RBKS: variants seen among roughly 807,000 people sequenced by gnomAD.
RBKS encodes the protein ribokinase.
In RBKS, 33 loss-of-function variants were observed where a neutral mutation model predicts 33.9. That is an observed-to-expected ratio of 0.97 (90% CI 0.74 to 1.30). The LOEUF (loss-of-function observed/expected upper bound fraction) is 1.30. Ranked by LOEUF, RBKS falls within the 50% of genes most tolerant of loss-of-function variation. The pLI, the probability that RBKS is intolerant of heterozygous loss-of-function variation, is 0.00. For missense variants in RBKS, 361 were observed against 392.6 expected, an observed-to-expected ratio of 0.92 and a Z score of 0.68; for synonymous variants, 125 against 143.0, an observed-to-expected ratio of 0.87 and a Z score of 0.90.
intron 5 of RBKS, among the ~76,000 whole-genome samples, chr2:27,838,666 T>C (rs1254726874): frequency 6.6e-6 from 1 of 152,048 alleles, no homozygotes; most frequent in African/African-American, 2.4e-5. Context: ...AAACATAAAT[T>C]AGTAGATGCA....
At chr2:27,848,634 T>C (rs1341944193) in intron 2 of RBKS, among the ~76,000 whole-genome samples, 1 of 152,164 alleles carries the variant, frequency 6.6e-6, no homozygotes, top group East Asian at 1.9e-4. Context: ...AGTTTTTCCT[T>C]TGGACACCTA....
intron 2 of RBKS, among the ~76,000 whole-genome samples, chr2:27,854,579 G>C (rs955890990): frequency 6.6e-6 from 1 of 152,132 alleles, no homozygotes; most frequent in Non-Finnish European, 1.5e-5. Context: ...ACCTTTTATA[G>C]TTCTGGAAAT....
intron 1 of RBKS, among the ~76,000 whole-genome samples, chr2:27,862,434 G>A (rs1394594203): frequency 6.6e-6 from 1 of 152,052 alleles, no homozygotes; most frequent in South Asian, 2.1e-4. Flanking sequence ...TGTATTATAC[G>A]ATACCACTTG....
At chr2:27,800,850 A>G (rs1558536002) in intron 7 of RBKS, among the ~76,000 whole-genome samples, 1 of 152,160 alleles carries the variant, frequency 6.6e-6, no homozygotes, top group African/African-American at 2.4e-5. Context: ...GGCTCCAGAG[A>G]GTTCCAGCCA....
At chr2:27,875,404 T>A (rs1664291689) in intron 1 of RBKS, among the ~76,000 whole-genome samples, 1 of 152,020 alleles carries the variant, frequency 6.6e-6, no homozygotes. Flanking sequence ...AATATAAAAA[T>A]TAGTTGGGCA....
At chr2:27,886,222 G>GA (rs940261264) in intron 1 of RBKS, among the ~76,000 whole-genome samples, 121 of 148,342 alleles carry the variant, frequency 8.2e-4, no homozygotes, top group African/African-American at 2.7e-3. Flanking sequence ...AATTAGAAAT[G>GA]AAAAAAAAGG....
intron 7 of RBKS, among the ~76,000 whole-genome samples, chr2:27,807,840 G>GA (rs1201036444): frequency 3.3e-5 from 5 of 151,662 alleles, no homozygotes; most frequent in Admixed American, 6.6e-5. Flanking sequence ...CAGCAGAAAG[G>GA]AAAAAAAATG....
At chr2:27,885,762 A>C (rs1005712231) in intron 1 of RBKS, among the ~76,000 whole-genome samples, 2 of 152,248 alleles carry the variant, frequency 1.3e-5, no homozygotes, top group African/African-American at 4.8e-5. Context: ...ACTAGAATGT[A>C]AACTTCATGA....
intron 1 of RBKS, chr2:27,870,412 CTG>C (rs1664180598): frequency 5.7e-6 from 1 of 175,366 alleles, no homozygotes; most frequent in Admixed American, 5.8e-5. Flanking sequence ...CCAGTGGTGA[CTG>C]TTTTTCTAAA....
intron 1 of RBKS, chr2:27,870,588 G>A: frequency 2.8e-6 from 1 of 361,742 alleles, no homozygotes; most frequent in Non-Finnish European, 5.5e-6. Flanking sequence ...ACTTTAACGT[G>A]GTTGATAATT....
At chr2:27,789,884 G>GTA (rs1304167934) in intron 7 of RBKS, among the ~76,000 whole-genome samples, 1 of 145,686 alleles carries the variant, frequency 6.9e-6, no homozygotes, top group Admixed American at 6.8e-5. Flanking sequence ...GTGTGTGTGT[G>GTA]TGTGTGTGTG....
At chr2:27,846,675 T>C (rs1663626457) in intron 4 of RBKS, among the ~76,000 whole-genome samples, 1 of 152,234 alleles carries the variant, frequency 6.6e-6, no homozygotes, top group Non-Finnish European at 1.5e-5. Flanking sequence ...CCTATTTACA[T>C]ATACTTACCT....
intron 2 of RBKS, among the ~76,000 whole-genome samples, chr2:27,856,733 A>G (rs533589636): frequency 3.4e-4 from 52 of 152,298 alleles, no homozygotes; most frequent in African/African-American, 1.3e-3. Context: ...CATAGCTTCC[A>G]ACGCCAATTC....
chr2:27,788,074 G>T (rs367953175), intron 7 of RBKS, among the ~76,000 whole-genome samples: 4 of 152,014 alleles, frequency 2.6e-5, no homozygotes, highest in African/African-American at 9.7e-5. Context: ...TAGAAATAAG[G>T]TGTAACTTGA....
At chr2:27,786,586 G>A (rs1428702411) in intron 7 of RBKS, among the ~76,000 whole-genome samples, 1 of 152,154 alleles carries the variant, frequency 6.6e-6, no homozygotes, top group Non-Finnish European at 1.5e-5. Context: ...TTCAAGACCA[G>A]CCTGGCCAAG....
At chr2:27,847,507 T>C (rs1450841079) in intron 3 of RBKS, among the ~76,000 whole-genome samples, 1 of 152,208 alleles carries the variant, frequency 6.6e-6, no homozygotes, top group African/African-American at 2.4e-5. Context: ...TCTCATAAGC[T>C]TGTTATTTCA....
chr2:27,783,348 AG>A (rs1324976757), intron 7 of RBKS, among the ~76,000 whole-genome samples: 4 of 152,218 alleles, frequency 2.6e-5, no homozygotes, highest in South Asian at 2.1e-4. Context: ...CCCTAGCCCT[AG>A]AATTAGCCGT....
intron 7 of RBKS, among the ~76,000 whole-genome samples, chr2:27,812,089 A>G (rs1223159376): frequency 6.6e-6 from 1 of 152,158 alleles, no homozygotes; most frequent in Admixed American, 6.5e-5. Flanking sequence ...GTAAATTTGT[A>G]AGAAATTTAT....
rs116345561 is a variant in RBKS at position 27,817,354 on chromosome 2, G to T, written c.795+10213C>A. Among the ~76,000 whole-genome samples, 1,324 of 152,258 alleles carry T rather than the reference G, an allele frequency of 8.7e-3. 14 individuals carry two copies. Among genetic ancestry groups the T allele is most frequent in the African/African-American group, 0.03 (1,254 of 41,562 alleles). On this transcript the variant is annotated intron_variant, in intron 7 of 7. Coordinates refer to ENST00000302188, the MANE Select transcript of RBKS (RefSeq NM_022128.3). Reference sequence around the variant, plus strand: ...AAGAAATGTAATAAAAAAATGATTTGGTTATAGTGTCTGAGAGTGGTGCAC... The same window carrying T: ...AAGAAATGTAATAAAAAAATGATTTTGTTATAGTGTCTGAGAGTGGTGCAC...
Sources: gnomAD v4.1 joint callset for allele counts (sites outside exome capture counted in the v4.1 genomes callset) on GRCh38, gnomAD v4.1.1 for gene constraint, MANE v1.5 for transcripts, NCBI Gene and HGNC (gene_info 2026-07-23, HGNC 2026-07-21) for gene names.